KANSL1L: variants seen among roughly 807,000 people sequenced by gnomAD.
KANSL1L encodes the protein KAT8 regulatory NSL complex subunit 1 like.
A neutral mutation model predicts 108.6 loss-of-function variants in KANSL1L; 25 were observed. That is an observed-to-expected ratio of 0.23 (90% CI 0.17 to 0.32). KANSL1L has a LOEUF of 0.32. Ranked by LOEUF, KANSL1L falls within the 10% of genes least tolerant of loss-of-function variation. KANSL1L has a pLI of 1.00. For synonymous variants in KANSL1L, 405 were observed against 395.1 expected, an observed-to-expected ratio of 1.03 and a Z score of -0.30; for missense variants, 1,137 against 1,125.7, an observed-to-expected ratio of 1.01 and a Z score of -0.14.
chr2:210,149,613 A>C (rs1181479559), intron 2 of KANSL1L, among the ~76,000 whole-genome samples: 3 of 152,058 alleles, frequency 2.0e-5, no homozygotes, highest in Non-Finnish European at 2.9e-5. Context: ...ACTTATAAGG[A>C]TATTTTAAAT....
chr2:210,094,881 T>C (rs534910750), intron 5 of KANSL1L, among the ~76,000 whole-genome samples: 10 of 151,672 alleles, frequency 6.6e-5, no homozygotes, highest in African/African-American at 1.7e-4. Context: ...GGTAGATTAC[T>C]CAGGCTCCAA....
At chr2:210,129,376 TTC>T (rs2095098872) in intron 2 of KANSL1L, among the ~76,000 whole-genome samples, 1 of 152,168 alleles carries the variant, frequency 6.6e-6, no homozygotes, top group Admixed American at 6.6e-5. Context: ...AATACCTGTT[TTC>T]ATTAAATATT....
intron 11 of KANSL1L, 107 bp downstream of exon 11, chr2:210,028,738 G>T: frequency 1.2e-6 from 1 of 816,136 alleles, no homozygotes; most frequent in Non-Finnish European, 1.9e-6. Context: ...GGCTATGAAG[G>T]AACTGGGAGA....
chr2:210,112,118 T>C, intron 3 of KANSL1L, among the ~76,000 whole-genome samples: 1 of 152,208 alleles, frequency 6.6e-6, no homozygotes, highest in Non-Finnish European at 1.5e-5. Context: ...CACATTTTCT[T>C]AATCCAGACT....
chr2:210,134,950 C>T (rs1432545783), intron 2 of KANSL1L, among the ~76,000 whole-genome samples: 1 of 152,002 alleles, frequency 6.6e-6, no homozygotes, highest in Non-Finnish European at 1.5e-5. Context: ...AATCATAGAC[C>T]AAGAGTAATT....
upstream of KANSL1L, among the ~76,000 whole-genome samples, chr2:210,172,656 ATGTGT>A (rs1688394265): frequency 6.6e-6 from 1 of 152,242 alleles, no homozygotes; most frequent in African/African-American, 2.4e-5. Flanking sequence ...TAAGCTAATG[ATGTGT>A]TGTGAAAAAT....
intron 3 of KANSL1L, among the ~76,000 whole-genome samples, chr2:210,112,890 AG>A (rs1249722278): frequency 6.6e-6 from 1 of 152,228 alleles, no homozygotes; most frequent in Non-Finnish European, 1.5e-5. Context: ...AGGCTTGGAC[AG>A]TAAATGTGCA....
chr2:210,104,372 G>C (rs765273504), intron 3 of KANSL1L, 71 bp from the exon 4 acceptor site: 91 of 1,038,316 alleles, frequency 8.8e-5, no homozygotes, highest in Non-Finnish European at 1.2e-4. Context: ...ATGCTACAAT[G>C]CACTTGAATC....
At chr2:210,035,512 C>A (rs1433577337) in intron 8 of KANSL1L, among the ~76,000 whole-genome samples, 1 of 152,072 alleles carries the variant, frequency 6.6e-6, no homozygotes. Context: ...TGAAGTCTCA[C>A]TCTGTTACCC....
intron 1 of KANSL1L, among the ~76,000 whole-genome samples, chr2:210,168,706 A>G (rs893492645): frequency 1.3e-5 from 2 of 152,116 alleles, no homozygotes; most frequent in Non-Finnish European, 2.9e-5. Context: ...CTGGTAGACA[A>G]CTGTGATCAG....
intron 1 of KANSL1L, among the ~76,000 whole-genome samples, chr2:210,168,861 T>C (rs1488960067): frequency 6.6e-6 from 1 of 152,062 alleles, no homozygotes; most frequent in Non-Finnish European, 1.5e-5. Flanking sequence ...AAAAGATAAA[T>C]ATTAGCCCAC....
intron 8 of KANSL1L, chr2:210,032,714 T>C (rs1481548582): frequency 6.6e-6 from 1 of 152,098 alleles, no homozygotes. Context: ...TCCCTTCCCA[T>C]CAAAAGTGTC....
intron 6 of KANSL1L, among the ~76,000 whole-genome samples, chr2:210,055,501 C>G (rs1341858209): frequency 6.6e-6 from 1 of 152,074 alleles, no homozygotes; most frequent in Non-Finnish European, 1.5e-5. Context: ...TTGGAACTTC[C>G]TAGAGGCTTG....
At chr2:210,157,579 T>C (rs989739507) in intron 1 of KANSL1L, among the ~76,000 whole-genome samples, 15 of 147,308 alleles carry the variant, frequency 1.0e-4, no homozygotes, top group Non-Finnish European at 1.8e-4. Flanking sequence ...TGGTCCCAGC[T>C]ACTTGAGAGG....
chr2:210,138,172 A>C (rs920272642), intron 2 of KANSL1L, among the ~76,000 whole-genome samples: 1 of 152,140 alleles, frequency 6.6e-6, no homozygotes, highest in African/African-American at 2.4e-5. Context: ...TTTTACAACT[A>C]TGAAAATTTA....
intron 3 of KANSL1L, among the ~76,000 whole-genome samples, chr2:210,114,716 T>C (rs2094938248): frequency 6.6e-6 from 1 of 152,072 alleles, no homozygotes; most frequent in Non-Finnish European, 1.5e-5. Context: ...TTTAAGAAAC[T>C]AATATATTTA....
chr2:210,164,919 G>A (rs995459942), intron 1 of KANSL1L, among the ~76,000 whole-genome samples: 1 of 147,308 alleles, frequency 6.8e-6, no homozygotes, highest in African/African-American at 2.5e-5. Flanking sequence ...AGGCTGGAGT[G>A]CAATGGCACA....
intron 1 of KANSL1L, among the ~76,000 whole-genome samples, chr2:210,168,807 T>C (rs1688148074): frequency 6.6e-6 from 1 of 151,874 alleles, no homozygotes; most frequent in Non-Finnish European, 1.5e-5. Context: ...GTAAACTGAG[T>C]AAAACAAAAA....
At chr2:210,143,807 G>A (rs894890810) in intron 2 of KANSL1L, among the ~76,000 whole-genome samples, 9 of 151,994 alleles carry the variant, frequency 5.9e-5, no homozygotes, top group Non-Finnish European at 1.3e-4. Context: ...TACATCCTAT[G>A]ACAAATTATT....
Sources: allele counts gnomAD v4.1 joint callset (sites outside exome capture counted in the v4.1 genomes callset), GRCh38; gene constraint gnomAD v4.1.1; transcripts MANE v1.5; gene names NCBI Gene and HGNC (gene_info 2026-07-23, HGNC 2026-07-21).